Variants in PDGFD observed in about 807,000 individuals in gnomAD.
PDGFD encodes the protein platelet derived growth factor D.
PDGFD carries 30 observed loss-of-function variants against 44.7 expected under a neutral mutation model. The observed-to-expected ratio is 0.67, with a 90% CI of 0.50 to 0.91. PDGFD has a LOEUF of 0.91. Among genes scored for constraint, PDGFD ranks in the 40% least tolerant of loss-of-function variants. The probability of loss-of-function intolerance (pLI) is 0.00; values close to 1 mark genes in which losing one functional copy is unlikely to be tolerated. For synonymous variants in PDGFD, 173 were observed against 168.4 expected, an observed-to-expected ratio of 1.03 and a Z score of -0.21; for missense variants, 445 against 457.8, an observed-to-expected ratio of 0.97 and a Z score of 0.25.
At chr11:104,085,269 C>T (rs1861113580) in intron 1 of PDGFD, among the ~76,000 whole-genome samples, 1 of 152,106 alleles carries the variant, frequency 6.6e-6, no homozygotes, top group Admixed American at 6.6e-5. Context: ...CTGATGGGTT[C>T]TCTATAATTT....
At chr11:104,156,573 T>C (rs1862311045) in intron 1 of PDGFD, among the ~76,000 whole-genome samples, 1 of 152,084 alleles carries the variant, frequency 6.6e-6, no homozygotes, top group African/African-American at 2.4e-5. Context: ...GCTATGATGC[T>C]TCCACAGACC....
At chr11:104,098,950 T>C (rs2134443116) in intron 1 of PDGFD, among the ~76,000 whole-genome samples, 1 of 145,646 alleles carries the variant, frequency 6.9e-6, no homozygotes, top group South Asian at 2.3e-4. Flanking sequence ...ACTTCTTATA[T>C]ACATTGAGCA....
intron 1 of PDGFD, among the ~76,000 whole-genome samples, chr11:104,009,415 G>A (rs188019324): frequency 1.4e-5 from 2 of 141,602 alleles, no homozygotes; most frequent in Admixed American, 6.9e-5. Flanking sequence ...AATCAGTCCT[G>A]TGTCTTGCAA....
chr11:104,111,518 A>G (rs1403105932), intron 1 of PDGFD, among the ~76,000 whole-genome samples: 1 of 152,006 alleles, frequency 6.6e-6, no homozygotes, highest in East Asian at 1.9e-4. Context: ...TTGGCTTCCC[A>G]AAGTGCTGAG....
At chr11:103,977,228 A>G (rs1034292354) in intron 3 of PDGFD, among the ~76,000 whole-genome samples, 4 of 152,078 alleles carry the variant, frequency 2.6e-5, no homozygotes, top group African/African-American at 9.7e-5. Context: ...AAAGCCCAGG[A>G]CCAGATGGAT....
rs750693373 is a variant in PDGFD at position 103,996,050 on chromosome 11, T to A, written c.510+15A>T. The A allele has an allele frequency of 6.2e-7, 1 of 1,600,270 alleles. No homozygotes were observed. Among genetic ancestry groups the A allele is most frequent in the East Asian group, 2.2e-5 (1 of 44,558 alleles). On this transcript the variant is annotated intron_variant, in intron 3 of 6. Coordinates refer to ENST00000393158, the MANE Select transcript of PDGFD (RefSeq NM_025208.5). ...CCAGTGTCTGCTTTTAATCATAAAG[T>A]GGTTAAGTACTCACCAGCAAAGAAT...
chr11:103,972,819 C>T (rs76586163), intron 3 of PDGFD, among the ~76,000 whole-genome samples: 13 of 152,298 alleles, frequency 8.5e-5, no homozygotes, highest in African/African-American at 3.1e-4. Context: ...TTCTCAACTG[C>T]AACATGGGAA....
At chr11:104,025,446 A>G (rs138622147) in intron 1 of PDGFD, among the ~76,000 whole-genome samples, 3 of 152,344 alleles carry the variant, frequency 2.0e-5, no homozygotes, top group African/African-American at 7.2e-5. Context: ...GATAAAATAT[A>G]AAACCCTCCC....
At chr11:103,944,508 C>G (rs1227504852) in intron 4 of PDGFD, among the ~76,000 whole-genome samples, 3 of 152,100 alleles carry the variant, frequency 2.0e-5, no homozygotes, top group African/African-American at 7.2e-5. Context: ...AAATAGAGAG[C>G]ATACAGCCTC....
At chr11:103,952,727 A>G (rs572738492) in intron 3 of PDGFD, among the ~76,000 whole-genome samples, 5 of 152,198 alleles carry the variant, frequency 3.3e-5, no homozygotes, top group Non-Finnish European at 7.4e-5. Context: ...ATAATTATAA[A>G]CATCTCAATC....
chr11:104,019,739 G>T (rs1233964304), intron 1 of PDGFD, among the ~76,000 whole-genome samples: 1 of 152,106 alleles, frequency 6.6e-6, no homozygotes, highest in Non-Finnish European at 1.5e-5. Flanking sequence ...TTTCTGTCCT[G>T]AGCATGGAAG....
At chr11:104,128,415 C>A (rs1240644201) in intron 1 of PDGFD, among the ~76,000 whole-genome samples, 1 of 152,142 alleles carries the variant, frequency 6.6e-6, no homozygotes, top group African/African-American at 2.4e-5. Context: ...TGGTACCCTC[C>A]ATTCATCACA....
Position 104,163,939 on chromosome 11 carries a change from G to T in PDGFD, c.-12C>A, listed in dbSNP as rs1178154804. 6.5e-7 allele frequency: 1 copy of T among 1,531,060 alleles called. No homozygotes were observed. 94.8% of individuals were successfully genotyped at this position (1,531,060 alleles called of 1,614,324 possible). Reference sequence around the variant, plus strand: ...ATGAGCCGGTGCATTTGGGATCAGCGACTAGAGACAGCGTCGCTCCAAGAA... The same window carrying T: ...ATGAGCCGGTGCATTTGGGATCAGCTACTAGAGACAGCGTCGCTCCAAGAA... On this transcript the variant is annotated 5_prime_UTR_variant, in exon 1 of 7. Coordinates refer to ENST00000393158, the MANE Select transcript of PDGFD (RefSeq NM_025208.5).
At position 104,164,017 on chromosome 11, in the gene PDGFD, G is replaced by C; in HGVS notation, c.-90C>G. The C allele has an allele frequency of 7.3e-7, 1 of 1,367,860 alleles. No individual in the cohort carries two copies. Among genetic ancestry groups the C allele is most frequent in the African/African-American group, 1.5e-5 (1 of 68,666 alleles). 84.7% of individuals were successfully genotyped at this position (1,367,860 alleles called of 1,614,324 possible). On this transcript the variant is annotated 5_prime_UTR_variant, in exon 1 of 7. Transcript: ENST00000393158. ...CGCCGCGCCGCCCTGCGCTCTCGCCGCCTGCGCTCGCCCTGCGCTGGCCCG... is the reference window on the plus strand; with the variant it reads ...CGCCGCGCCGCCCTGCGCTCTCGCCCCCTGCGCTCGCCCTGCGCTGGCCCG...
At chr11:104,120,168 T>G (rs1010586999) in intron 1 of PDGFD, among the ~76,000 whole-genome samples, 2 of 151,272 alleles carry the variant, frequency 1.3e-5, no homozygotes, top group African/African-American at 4.8e-5. Flanking sequence ...GCATTGATTA[T>G]TTTTTCAGAA....
At chr11:104,092,197 A>T (rs887671095) in intron 1 of PDGFD, among the ~76,000 whole-genome samples, 4 of 152,040 alleles carry the variant, frequency 2.6e-5, no homozygotes, top group Non-Finnish European at 4.4e-5. Context: ...AAAGGCAAGG[A>T]TTTTTCAACT....
chr11:104,157,127 G>C (rs1346464746), intron 1 of PDGFD, among the ~76,000 whole-genome samples: 1 of 152,164 alleles, frequency 6.6e-6, no homozygotes, highest in African/African-American at 2.4e-5. Context: ...TGAGACCTCA[G>C]ATACAGTTAC....
At chr11:104,130,996 A>G (rs1157034477) in intron 1 of PDGFD, among the ~76,000 whole-genome samples, 2 of 152,218 alleles carry the variant, frequency 1.3e-5, no homozygotes, top group African/African-American at 4.8e-5. Flanking sequence ...ACACTTAATT[A>G]TAAGTGCTCT....
intron 1 of PDGFD, among the ~76,000 whole-genome samples, chr11:104,007,467 T>A (rs1859721285): frequency 1.3e-5 from 2 of 152,178 alleles, no homozygotes; most frequent in Non-Finnish European, 2.9e-5. Context: ...CATGACAACA[T>A]AAGATGCAAA....
Sources: gnomAD v4.1 joint callset for allele counts (sites outside exome capture counted in the v4.1 genomes callset) on GRCh38, gnomAD v4.1.1 for gene constraint, MANE v1.5 for transcripts, NCBI Gene and HGNC (gene_info 2026-07-23, HGNC 2026-07-21) for gene names.